FHOD3: variants seen among roughly 807,000 people sequenced by gnomAD.
The protein encoded by FHOD3 is formin homology 2 domain containing 3, also known as FH1/FH2 domain-containing protein 3.
Under a neutral mutation model 173.0 loss-of-function variants are expected in FHOD3, and 90 were observed. That is an observed-to-expected ratio of 0.52 (90% CI 0.44 to 0.62). The LOEUF is 0.62. Ranked by LOEUF, FHOD3 falls within the 20% of genes least tolerant of loss-of-function variation. The pLI, the probability that FHOD3 is intolerant of heterozygous loss-of-function variation, is 0.00. For missense variants in FHOD3, 1,945 were observed against 2,034.7 expected, an observed-to-expected ratio of 0.96 and a Z score of 0.85; for synonymous variants, 828 against 823.0, an observed-to-expected ratio of 1.01 and a Z score of -0.10.
chr18:36,371,308 G>A (rs113719979), intron 2 of FHOD3, among the ~76,000 whole-genome samples: 9,965 of 152,128 alleles, frequency 0.066, 1,057 homozygotes, highest in African/African-American at 0.22. Context: ...CTCGAGACTG[G>A]GTAATTTATA....
chr18:36,414,178 T>C (rs2049503438), intron 3 of FHOD3, among the ~76,000 whole-genome samples: 1 of 152,174 alleles, frequency 6.6e-6, no homozygotes, highest in Non-Finnish European at 1.5e-5. Context: ...GATGACTGAA[T>C]TCTTGAGGAC....
At chr18:36,762,210 C>T (rs1462976501) in intron 27 of FHOD3, among the ~76,000 whole-genome samples, 1 of 152,078 alleles carries the variant, frequency 6.6e-6, no homozygotes, top group Non-Finnish European at 1.5e-5. Flanking sequence ...AAAATAAATG[C>T]AGCTTTGAGT....
chr18:36,718,526 G>T lies in FHOD3; in HGVS notation c.3228G>T (p.Gln1076His). The change falls in exon 19 of 29, where the codon CAG (glutamine) becomes CAT (histidine). Residue 1076 changes from glutamine (Q) to histidine (H), a missense_variant. By Grantham distance (24) the Gln-to-His change is conservative (BLOSUM62 0). This residue lies in a region of FHOD3 where 1,099 missense variants were observed against 1,051.2 expected (regional missense o/e 1.05). Transcript: ENST00000590592. The stretch of plus-strand genomic sequence containing the variant: ...GGTGGTCCCAGGTACCCAGGGGTCA[G>T]CCCACATTCACTAAGAAAAAGAAGA... Reference protein sequence around the residue: ...GLGWSQVPRGQPTFTKKKKTI... With the variant: ...GLGWSQVPRGHPTFTKKKKTI... 6.2e-7 allele frequency: 1 copy of T among 1,614,140 alleles called. No individual in the cohort carries two copies. Among genetic ancestry groups the T allele is most frequent in the Non-Finnish European group, 8.5e-7 (1 of 1,180,034 alleles).
chr18:36,612,229 C>A, intron 9 of FHOD3, 134 bp downstream of exon 9: 1 of 893,192 alleles, frequency 1.1e-6, no homozygotes, highest in Non-Finnish European at 1.6e-6. Context: ...TCGTAGGCTT[C>A]ACCCCAGACC....
intron 3 of FHOD3, 31 bp downstream of exon 3, chr18:36,372,775 A>T (rs1319628709): frequency 6.3e-7 from 1 of 1,593,874 alleles, no homozygotes; most frequent in Admixed American, 1.7e-5. Flanking sequence ...GGAACTAAAC[A>T]TATGATGAAA....
chr18:36,329,204 T>G (rs1385521794), intron 1 of FHOD3, among the ~76,000 whole-genome samples: 1 of 152,180 alleles, frequency 6.6e-6, no homozygotes, highest in African/African-American at 2.4e-5. Flanking sequence ...ACACCAGCTG[T>G]GTCCCACCCC....
At chr18:36,745,940 C>G (rs2042138638) in intron 23 of FHOD3, among the ~76,000 whole-genome samples, 1 of 151,948 alleles carries the variant, frequency 6.6e-6, no homozygotes, top group Non-Finnish European at 1.5e-5. Context: ...TAGCTACTTT[C>G]CATCCACCTC....
At chr18:36,367,252 G>A (rs2046944191) in intron 2 of FHOD3, among the ~76,000 whole-genome samples, 1 of 152,128 alleles carries the variant, frequency 6.6e-6, no homozygotes, top group Non-Finnish European at 1.5e-5. Flanking sequence ...CCTCCATAGG[G>A]GTTTCCTTGA....
intron 5 of FHOD3, among the ~76,000 whole-genome samples, chr18:36,537,457 C>T (rs1337102439): frequency 3.3e-5 from 5 of 152,144 alleles, no homozygotes; most frequent in African/African-American, 4.8e-5. Flanking sequence ...CAGTGGACAC[C>T]ACATGGGGAA....
intron 4 of FHOD3, 103 bp from the exon 5 acceptor site, chr18:36,512,335 T>A: frequency 1.2e-6 from 1 of 805,162 alleles, no homozygotes; most frequent in South Asian, 1.5e-5. Context: ...ATCTGTAGGG[T>A]CCATTCTGGC....
chr18:36,330,292 A>T (rs988340412), intron 1 of FHOD3, among the ~76,000 whole-genome samples: 4 of 152,216 alleles, frequency 2.6e-5, no homozygotes, highest in Admixed American at 2.6e-4. Context: ...AAAACAAAGC[A>T]TCTGAGAGAA....
At chr18:36,414,457 C>T (rs548540396) in intron 3 of FHOD3, among the ~76,000 whole-genome samples, 8 of 152,258 alleles carry the variant, frequency 5.3e-5, no homozygotes, top group South Asian at 2.1e-4. Flanking sequence ...TACATTTAGC[C>T]GAGTGAGTTC....
intron 10 of FHOD3, among the ~76,000 whole-genome samples, chr18:36,641,869 C>T (rs1029296439): frequency 6.6e-6 from 1 of 151,592 alleles, no homozygotes; most frequent in African/African-American, 2.4e-5. Context: ...AGGAGAATCG[C>T]TTGAACCCGG....
At chr18:36,646,118 GC>G (rs1448926794) in intron 10 of FHOD3, among the ~76,000 whole-genome samples, 10 of 152,148 alleles carry the variant, frequency 6.6e-5, no homozygotes, top group Non-Finnish European at 1.2e-4. Context: ...AGTAGGTAAA[GC>G]CATCATTATT....
chr18:36,343,825 A>G (rs1380451098), intron 1 of FHOD3, among the ~76,000 whole-genome samples: 1 of 152,210 alleles, frequency 6.6e-6, no homozygotes, highest in Non-Finnish European at 1.5e-5. Context: ...ACAGACAAAG[A>G]CAACCACGTA....
At chr18:36,428,690 T>A (rs2050380702) in intron 3 of FHOD3, among the ~76,000 whole-genome samples, 2 of 152,244 alleles carry the variant, frequency 1.3e-5, no homozygotes, top group Admixed American at 6.5e-5. Context: ...CTCTGCTGAC[T>A]GGGCCCTCTA....
intron 5 of FHOD3, among the ~76,000 whole-genome samples, chr18:36,547,693 A>T (rs2147248916): frequency 6.6e-6 from 1 of 152,298 alleles, no homozygotes; most frequent in East Asian, 1.9e-4. Flanking sequence ...TCGGGAAGGA[A>T]CGTCGCAGTG....
Position 36,376,925 on chromosome 18 carries a change from T to C in FHOD3, c.337+4181T>C, listed in dbSNP as rs1356902939. Among the ~76,000 whole-genome samples the C allele has an allele frequency of 2.0e-5, 3 of 152,212 alleles. No individual in the cohort carries two copies. In the East Asian group the frequency reaches 5.8e-4, roughly 29 times the overall value. The stretch of plus-strand genomic sequence containing the variant: ...AGCCAGCCGATTTAGGAGCATTGGC[T>C]CCCTGGGGCGCTGTGTTGAGCAAGG... On this transcript the variant is annotated intron_variant, in intron 3 of 28. Coordinates refer to ENST00000590592, the MANE Select transcript of FHOD3 (RefSeq NM_001281740.3).
At chr18:36,614,839 G>GTT (rs2033039273) in intron 9 of FHOD3, among the ~76,000 whole-genome samples, 1 of 116,870 alleles carries the variant, frequency 8.6e-6, no homozygotes, top group Non-Finnish European at 1.8e-5. Flanking sequence ...TTTTTTAATT[G>GTT]ATTTTTTTTT....
Sources: gnomAD v4.1 joint callset for allele counts (sites outside exome capture counted in the v4.1 genomes callset) on GRCh38, gnomAD v4.1.1 for gene constraint, gnomAD v4.1.1 regional missense constraint, MANE v1.5 for transcripts, NCBI Gene and HGNC (gene_info 2026-07-23, HGNC 2026-07-21) for gene names.